Variants in MGAT4C observed in about 807,000 individuals in gnomAD.
The protein encoded by MGAT4C is MGAT4 family member C, also known as alpha-1,3-mannosyl-glycoprotein 4-beta-N-acetylglucosaminyltransferase C.
A neutral mutation model predicts 40.1 loss-of-function variants in MGAT4C; 19 were observed. That is an observed-to-expected ratio of 0.47 (90% CI 0.33 to 0.70). The LOEUF is 0.70. MGAT4C is among the 30% of genes least tolerant of loss of function. MGAT4C has a pLI of 0.02. For synonymous variants in MGAT4C, 181 were observed against 187.1 expected (o/e 0.97, Z 0.27); for missense variants, 491 against 563.2 (o/e 0.87, Z 1.30).
chr12:86,265,400 CACT>C (rs1952761207), intron 4 of MGAT4C, among the ~76,000 whole-genome samples: 1 of 152,206 alleles, frequency 6.6e-6, no homozygotes, highest in Non-Finnish European at 1.5e-5. Context: ...ATCTTCCCAC[CACT>C]GTTTATTGAA....
intron 2 of MGAT4C, among the ~76,000 whole-genome samples, chr12:86,647,098 G>T (rs1389502930): frequency 6.6e-6 from 1 of 151,820 alleles, no homozygotes; most frequent in African/African-American, 2.4e-5. Flanking sequence ...GCCCAACTGA[G>T]CTAAGCTTCT....
chr12:86,589,981 T>C (rs995994770), intron 2 of MGAT4C, among the ~76,000 whole-genome samples: 1 of 151,926 alleles, frequency 6.6e-6, no homozygotes, highest in Non-Finnish European at 1.5e-5. Context: ...GTAAACATTA[T>C]TGTAGAGAAC....
intron 1 of MGAT4C, among the ~76,000 whole-genome samples, chr12:86,120,145 C>A (rs1280863629): frequency 6.6e-6 from 1 of 151,064 alleles, no homozygotes; most frequent in African/African-American, 2.4e-5. Context: ...GAAACATAGG[C>A]AATATGTTTG....
intron 1 of MGAT4C, among the ~76,000 whole-genome samples, chr12:86,160,620 AG>A (rs1885487895): frequency 6.6e-6 from 1 of 151,894 alleles, no homozygotes; most frequent in Non-Finnish European, 1.5e-5. Context: ...TGAAGTCTAG[AG>A]TTTCCTTGTT....
At chr12:86,551,875 C>T (rs1959380353) in intron 2 of MGAT4C, among the ~76,000 whole-genome samples, 1 of 151,870 alleles carries the variant, frequency 6.6e-6, no homozygotes, top group Non-Finnish European at 1.5e-5. Context: ...CTATTGTGTC[C>T]AACTAGAACC....
chr12:86,504,581 G>C (rs1958436249), intron 2 of MGAT4C, among the ~76,000 whole-genome samples: 1 of 152,126 alleles, frequency 6.6e-6, no homozygotes, highest in Non-Finnish European at 1.5e-5. Flanking sequence ...TAAAAGTCCA[G>C]TCAATCTAAA....
intron 3 of MGAT4C, among the ~76,000 whole-genome samples, chr12:86,419,395 C>T (rs1592821637): frequency 6.6e-6 from 1 of 151,262 alleles, no homozygotes; most frequent in East Asian, 1.9e-4. Context: ...TATATATGTA[C>T]ATATATCCAT....
At chr12:86,477,597 ATATAT>A (rs1437049293) in intron 2 of MGAT4C, among the ~76,000 whole-genome samples, 2 of 151,922 alleles carry the variant, frequency 1.3e-5, no homozygotes, top group Non-Finnish European at 2.9e-5. Flanking sequence ...CTCTTTATAT[ATATAT>A]ATTTTTATTA....
At chr12:86,156,400 G>A (rs747233792) in intron 1 of MGAT4C, among the ~76,000 whole-genome samples, 68 of 152,040 alleles carry the variant, frequency 4.5e-4, no homozygotes, top group South Asian at 1.5e-3. Flanking sequence ...TCGGCTCACC[G>A]CAACCTCCGT....
chr12:86,170,207 A>T (rs376542876), intron 1 of MGAT4C, among the ~76,000 whole-genome samples: 61 of 152,336 alleles, frequency 4.0e-4, no homozygotes, highest in South Asian at 3.3e-3. Context: ...AGACTGGGAC[A>T]GTCTTGAGCA....
chr12:86,247,979 T>A (rs1952103542), intron 1 of MGAT4C, among the ~76,000 whole-genome samples: 1 of 152,130 alleles, frequency 6.6e-6, no homozygotes, highest in Non-Finnish European at 1.5e-5. Context: ...TCCTTCCTGA[T>A]CTGAAGTTTT....
chr12:85,995,251 T>A (rs754266697), intron 2 of MGAT4C, among the ~76,000 whole-genome samples: 1 of 152,094 alleles, frequency 6.6e-6, no homozygotes. Flanking sequence ...AACGTAGAGA[T>A]CTTGCCAATT....
chr12:86,172,037 A>G (rs563912218), intron 1 of MGAT4C, among the ~76,000 whole-genome samples: 4 of 152,288 alleles, frequency 2.6e-5, no homozygotes, highest in South Asian at 2.1e-4. Context: ...GTTACTTACC[A>G]TAACATTTCT....
In MGAT4C at chr12:86,049,729, A is replaced by G. The variant is rs1177361924; in HGVS notation, c.-56-6T>C. Reference sequence around the variant, plus strand: ...GTACAGAAACCGTTGATACCCTGGAAAAAAGAAAGTCTAATATTACTAATA... The same window carrying G: ...GTACAGAAACCGTTGATACCCTGGAGAAAAGAAAGTCTAATATTACTAATA... On this transcript the variant is annotated splice_region_variant and splice_polypyrimidine_tract_variant and intron_variant, in intron 1 of 4. Coordinates refer to ENST00000611864, the MANE Select transcript of MGAT4C (RefSeq NM_001351288.2). 5 of 975,144 alleles carry G rather than the reference A, an allele frequency of 5.1e-6. No homozygotes were observed. The South Asian group carries it at 1.4e-4, about 28-fold the overall frequency. 60.4% of individuals were successfully genotyped at this position (975,144 alleles called of 1,614,324 possible). A position where few individuals can be genotyped will look rare whatever the true frequency, so the allele number is the denominator to read the frequency against.
At chr12:86,253,091 TTTAAC>T (rs1482508073) in intron 1 of MGAT4C, among the ~76,000 whole-genome samples, 1 of 152,016 alleles carries the variant, frequency 6.6e-6, no homozygotes, top group Admixed American at 6.6e-5. Context: ...GAATGTATCC[TTTAAC>T]TTATGTTTCC....
chr12:86,832,716 T>C (rs992761985), intron 1 of MGAT4C, among the ~76,000 whole-genome samples: 2 of 151,856 alleles, frequency 1.3e-5, no homozygotes, highest in Non-Finnish European at 2.9e-5. Context: ...TGTGATATTG[T>C]GGGACAAAGA....
intron 2 of MGAT4C, among the ~76,000 whole-genome samples, chr12:86,680,721 G>T (rs1353005143): frequency 6.6e-6 from 1 of 151,980 alleles, no homozygotes; most frequent in East Asian, 1.9e-4. Context: ...TTGTTACAGT[G>T]CTCCGAAGGT....
At chr12:86,547,734 T>C (rs1047846299) in intron 2 of MGAT4C, among the ~76,000 whole-genome samples, 17 of 152,260 alleles carry the variant, frequency 1.1e-4, no homozygotes, top group Middle Eastern at 3.4e-3. Flanking sequence ...AATTAAATCA[T>C]TGGGTCAAAA....
intron 2 of MGAT4C, among the ~76,000 whole-genome samples, chr12:86,612,844 A>C (rs902096336): frequency 6.6e-6 from 1 of 152,050 alleles, no homozygotes; most frequent in Non-Finnish European, 1.5e-5. Context: ...TTATTCCTAC[A>C]TAAATTATGA....
Sources: gnomAD v4.1 joint callset for allele counts (sites outside exome capture counted in the v4.1 genomes callset) on GRCh38, gnomAD v4.1.1 for gene constraint, MANE v1.5 for transcripts, NCBI Gene and HGNC (gene_info 2026-07-23, HGNC 2026-07-21) for gene names.